The following NR2F2 variants were observed in gnomAD, a reference collection of about 807,000 sequenced individuals.
NR2F2 encodes nuclear receptor subfamily 2 group F member 2, also known as COUP transcription factor 2.
NR2F2 carries 2 observed loss-of-function variants against 34.8 expected under a neutral mutation model. That is an observed-to-expected ratio of 0.06 (90% confidence interval 0.02 to 0.18). The LOEUF (loss-of-function observed/expected upper bound fraction) is 0.18. Ranked by LOEUF, NR2F2 falls within the 10% of genes least tolerant of loss-of-function variation. The pLI, the probability that NR2F2 is intolerant of heterozygous loss-of-function variation, is 1.00. For synonymous variants in NR2F2, 274 were observed against 251.8 expected (o/e 1.09, Z -0.84); for missense variants, 300 against 580.1 (o/e 0.52, Z 4.96).
At chr15:96,333,792 G>A in intron 1 of NR2F2, 1 of 1,381,762 alleles carries the variant, frequency 7.2e-7, no homozygotes, top group Non-Finnish European at 9.3e-7. Flanking sequence ...CCACAGCGCC[G>A]GGGACCCCGA....
Position 96,339,462 on chromosome 15 carries a change from C to G in NR2F2, c.*1840C>G, listed in dbSNP as rs375923684. On this transcript the variant is annotated 3_prime_UTR_variant, in exon 3 of 3. Transcript: ENST00000394166. ...AGTTGGTTTCCCTCTCCCCTCCCCC[C>G]CTTTACCTTCAGTCTGTGAGAGCAT... is the stretch of plus-strand genomic sequence containing the variant. 6.6e-6 allele frequency: 1 copy of G among 152,316 alleles called. No homozygotes were observed. The highest frequency in any genetic ancestry group is 2.1e-4 in the South Asian group (1 of 4,830). The allele number at this position is 152,316 out of a possible 1,614,324, so 9.4% of individuals were successfully genotyped here.
At position 96,332,046 on chromosome 15, in the gene NR2F2, G is replaced by T; in HGVS notation, c.-60G>T. 1 of 1,245,800 alleles carries T rather than the reference G, an allele frequency of 8.0e-7. No homozygotes were observed. The allele number at this position is 1,245,800 out of a possible 1,614,324, so 77.2% of individuals were successfully genotyped here. On this transcript the variant is annotated 5_prime_UTR_variant, in exon 1 of 3. Coordinates refer to ENST00000394166, the MANE Select transcript of NR2F2 (RefSeq NM_021005.4). The stretch of plus-strand genomic sequence containing the variant: ...GGAGCCCGAGACCCGGGGAGCCGCC[G>T]CCGCCCCGCCGCCGCCCGCAGCCAG...
chr15:96,337,645 G>A lies in NR2F2; in HGVS notation c.*23G>A, dbSNP rs762456873. 4 of 1,599,624 alleles carry A rather than the reference G, an allele frequency of 2.5e-6. No individual in the cohort carries two copies. The highest frequency in any genetic ancestry group is 2.2e-5 in the South Asian group (2 of 89,386). On this transcript the variant is annotated 3_prime_UTR_variant, in exon 3 of 3. Coordinates refer to ENST00000394166, the MANE Select transcript of NR2F2 (RefSeq NM_021005.4). ...TAAATAAATAAAATAAGAAGGGGGAGTGAAACAGAGAAAGAAAAGGCAAAA... is the reference window on the plus strand; with the variant it reads ...TAAATAAATAAAATAAGAAGGGGGAATGAAACAGAGAAAGAAAAGGCAAAA...
In NR2F2 at chr15:96,332,435, C is replaced by T; in HGVS notation, c.330C>T (p.Asn110=). ...KSFFKRSVRR[N]LSYTCRANRN... ...TCTTCAAGCGCAGCGTGCGGAGGAACCTGAGCTACACGTGCCGCGCCAACC... is the reference window on the plus strand; with the variant it reads ...TCTTCAAGCGCAGCGTGCGGAGGAATCTGAGCTACACGTGCCGCGCCAACC... The change falls in exon 1 of 3, where the codon AAC becomes AAT. Residue 110 remains asparagine (N), a synonymous_variant. Coordinates refer to ENST00000394166, the MANE Select transcript of NR2F2 (RefSeq NM_021005.4). The T allele has an allele frequency of 6.2e-7, 1 of 1,614,210 alleles. No individual in the cohort carries two copies. Among genetic ancestry groups the T allele is most frequent in the South Asian group, 1.1e-5 (1 of 91,086 alleles).
rs1899119966 is a variant in NR2F2 at position 96,330,988 on chromosome 15, CTTTT to C, written c.-1117_-1114del. 8.2e-7 allele frequency: 1 copy of C among 1,212,562 alleles called. No individual in the cohort carries two copies. The highest frequency in any genetic ancestry group is 1.0e-6 in the Non-Finnish European group (1 of 975,174). The allele number at this position is 1,212,562 out of a possible 1,614,324, so 75.1% of individuals were successfully genotyped here. A position where few individuals can be genotyped will look rare whatever the true frequency, so the allele number is the denominator to read the frequency against. ...GGTGGTGATCTGCCCTCCTCTCTCT[CTTTT>C]ATCATTTCTCCCCCGCCGCCGGCGA... On this transcript the variant is annotated 5_prime_UTR_variant, in exon 1 of 3. Transcript: ENST00000394166.
At chr15:96,327,957 A>T (rs1899035824), upstream of NR2F2, among the ~76,000 whole-genome samples, 1 of 152,144 alleles carries the variant, frequency 6.6e-6, no homozygotes, top group Non-Finnish European at 1.5e-5. Context: ...TTGGATTTTT[A>T]AAAAACAACA....
chr15:96,331,970 G>C lies in NR2F2; in HGVS notation c.-136G>C. The C allele has an allele frequency of 8.3e-7, 1 of 1,207,290 alleles. No homozygotes were observed. The allele number at this position is 1,207,290 out of a possible 1,614,324, so 74.8% of individuals were successfully genotyped here. ...CCAACCAGCCCCCGAGCCACCCGGG[G>C]CGCCCTCCCGCGCCCTCTTGCACCC... is the stretch of plus-strand genomic sequence containing the variant. On this transcript the variant is annotated 5_prime_UTR_variant, in exon 1 of 3. Coordinates refer to ENST00000394166, the MANE Select transcript of NR2F2 (RefSeq NM_021005.4).
intron 2 of NR2F2, among the ~76,000 whole-genome samples, chr15:96,336,779 C>T (rs1170134440): frequency 2.0e-5 from 3 of 151,968 alleles, no homozygotes; most frequent in Non-Finnish European, 2.9e-5. Context: ...GCTAAACTGA[C>T]AAGATCAGTT....
upstream of NR2F2, among the ~76,000 whole-genome samples, chr15:96,329,121 G>A (rs1460610284): frequency 2.6e-5 from 4 of 151,760 alleles, no homozygotes; most frequent in Admixed American, 6.6e-5. Flanking sequence ...GGAGCTCAGC[G>A]TCTTTTGTGT....
chr15:96,331,245 C>T lies in NR2F2; in HGVS notation c.-861C>T. ...ACCCAGCGACTGCGGGCGGCGGCGG[C>T]CGGAGAGAGCGAGGCGCGCGCCGGA... On this transcript the variant is annotated 5_prime_UTR_variant, in exon 1 of 3. Transcript: ENST00000394166. 1 of 987,136 alleles carries T rather than the reference C, an allele frequency of 1.0e-6. No individual in the cohort carries two copies. Among genetic ancestry groups the T allele is most frequent in the Non-Finnish European group, 1.2e-6 (1 of 832,294 alleles). The allele number at this position is 987,136 out of a possible 1,614,324, so 61.1% of individuals were successfully genotyped here.
At chr15:96,332,612 C>G in intron 1 of NR2F2, 65 bp downstream of exon 1, 2 of 1,574,116 alleles carry the variant, frequency 1.3e-6, no homozygotes, top group South Asian at 2.3e-5. Flanking sequence ...GTTTGGCTAG[C>G]CTGCTCTGGG....
chr15:96,330,482 G>T (rs1280895439), upstream of NR2F2, among the ~76,000 whole-genome samples: 1 of 115,254 alleles, frequency 8.7e-6, no homozygotes, highest in East Asian at 3.0e-4. Context: ...GCGCCGCGCC[G>T]GCGACGCCGC....
chr15:96,339,945 T>C lies in NR2F2; in HGVS notation c.*2323T>C, dbSNP rs1393289931. ...AACGTTAATATTCAGATCCAGTCAA[T>C]ACATGCAGACCAGTAAAATCTGATT... On this transcript the variant is annotated 3_prime_UTR_variant, in exon 3 of 3. Transcript: ENST00000394166. 1 of 152,224 alleles carries C rather than the reference T, an allele frequency of 6.6e-6. No individual in the cohort carries two copies. The highest frequency in any genetic ancestry group is 1.9e-4 in the East Asian group (1 of 5,180). The allele number at this position is 152,224 out of a possible 1,614,324, so 9.4% of individuals were successfully genotyped here.
chr15:96,332,486 T>C lies in NR2F2; in HGVS notation c.381T>C (p.His127=), dbSNP rs1899175614. The C allele has an allele frequency of 4.3e-6, 7 of 1,614,120 alleles. No individual in the cohort carries two copies. The highest frequency in any genetic ancestry group is 5.9e-6 in the Non-Finnish European group (7 of 1,180,010). Residue 127 remains histidine, a synonymous_variant, in exon 1 of 3, where the codon CAT becomes CAC. Coordinates refer to ENST00000394166, the MANE Select transcript of NR2F2 (RefSeq NM_021005.4). ...GGAACTGTCCCATCGACCAGCACCA[T>C]CGCAACCAGTGCCAGTACTGCCGCC... is the stretch of plus-strand genomic sequence containing the variant. ...ANRNCPIDQH[H]RNQCQYCRLK...
upstream of NR2F2, among the ~76,000 whole-genome samples, chr15:96,328,797 A>G (rs1170279840): frequency 6.6e-6 from 1 of 151,462 alleles, no homozygotes; most frequent in Non-Finnish European, 1.5e-5. Context: ...TTTCAAATAA[A>G]CCGAGAACCT....
chr15:96,326,230 G>C, upstream of NR2F2: 1 of 1,150,670 alleles, frequency 8.7e-7, no homozygotes, highest in Admixed American at 1.7e-5. This position sits in a 1 kb window ranked among gnomAD's most constrained non-coding sequence, Gnocchi z 5.5. Flanking sequence ...AATTATCAAA[G>C]ACACATCTTT....
At chr15:96,326,181 A>C (rs1162697302), upstream of NR2F2, 1 of 796,046 alleles carries the variant, frequency 1.3e-6, no homozygotes. This position sits in a 1 kb window ranked among gnomAD's most constrained non-coding sequence, Gnocchi z 5.5. Context: ...ATCAGTTTGC[A>C]CAATCGCTTA....
chr15:96,338,476 T>G lies in NR2F2; in HGVS notation c.*854T>G, dbSNP rs1899399489. Reference sequence around the variant, plus strand: ...GTGAACTTTTGTAATTTGAATTGGGTCCCGCTTAGTTCTTGAATTGTTATG... The same window carrying G: ...GTGAACTTTTGTAATTTGAATTGGGGCCCGCTTAGTTCTTGAATTGTTATG... On this transcript the variant is annotated 3_prime_UTR_variant, in exon 3 of 3. Coordinates refer to ENST00000394166, the MANE Select transcript of NR2F2 (RefSeq NM_021005.4). The G allele has an allele frequency of 6.6e-6, 1 of 152,644 alleles. No homozygotes were observed. The highest frequency in any genetic ancestry group is 6.5e-5 in the Admixed American group (1 of 15,274). 9.5% of individuals were successfully genotyped at this position (152,644 alleles called of 1,614,324 possible).
upstream of NR2F2, among the ~76,000 whole-genome samples, chr15:96,326,779 C>A (rs1003401645): frequency 5.9e-5 from 9 of 152,146 alleles, no homozygotes; most frequent in African/African-American, 2.2e-4. This position sits in a 1 kb window ranked among gnomAD's most constrained non-coding sequence, Gnocchi z 5.5. Flanking sequence ...TAGGCTCGCA[C>A]TAAGTATCAG....
Sources: gnomAD v4.1 joint callset for allele counts (sites outside exome capture counted in the v4.1 genomes callset) on GRCh38, gnomAD v4.1.1 for gene constraint, Gnocchi (gnomAD v3.1) non-coding constraint, MANE v1.5 for transcripts, NCBI Gene and HGNC (gene_info 2026-07-23, HGNC 2026-07-21) for gene names.